NEK7: variants seen among roughly 807,000 people sequenced by gnomAD.
NEK7 encodes the protein NIMA related kinase 7, also known as serine/threonine-protein kinase Nek7.
Under a neutral mutation model 44.6 loss-of-function variants are expected in NEK7, and 18 were observed. That is an observed-to-expected ratio of 0.40 (90% CI 0.28 to 0.60). The LOEUF (loss-of-function observed/expected upper bound fraction) is 0.60. Ranked by LOEUF, NEK7 falls within the 20% of genes least tolerant of loss-of-function variation. The pLI is 0.38. For synonymous variants in NEK7, 130 were observed against 121.1 expected, an observed-to-expected ratio of 1.07 and a Z score of -0.48; for missense variants, 256 against 366.5, an observed-to-expected ratio of 0.70 and a Z score of 2.46.
At chr1:198,178,325 T>C (rs72749493) in intron 1 of NEK7, among the ~76,000 whole-genome samples, 7,035 of 152,152 alleles carry the variant, frequency 0.046, 258 homozygotes, top group Middle Eastern at 0.071. Context: ...TATAGTCCTG[T>C]TTTTAACGTT....
chr1:198,187,219 T>C (rs891164680), intron 1 of NEK7, among the ~76,000 whole-genome samples: 1 of 152,188 alleles, frequency 6.6e-6, no homozygotes, highest in Non-Finnish European at 1.5e-5. Flanking sequence ...GTCTTCAATA[T>C]CTAAACAGTC....
At chr1:198,271,964 C>A (rs1257271201) in intron 5 of NEK7, among the ~76,000 whole-genome samples, 2 of 145,186 alleles carry the variant, frequency 1.4e-5, no homozygotes, top group Non-Finnish European at 3.0e-5. Flanking sequence ...TACTTAGGTA[C>A]CTATACATAA....
At chr1:198,228,500 G>A (rs914763754) in intron 1 of NEK7, among the ~76,000 whole-genome samples, 1 of 151,112 alleles carries the variant, frequency 6.6e-6, no homozygotes, top group African/African-American at 2.5e-5. Context: ...CTACCCATGA[G>A]CATGGAATGT....
chr1:198,174,705 T>A (rs912429793), intron 1 of NEK7, among the ~76,000 whole-genome samples: 1 of 152,036 alleles, frequency 6.6e-6, no homozygotes, highest in African/African-American at 2.4e-5. Flanking sequence ...TTCAGCAGCA[T>A]CAAGAGGAAT....
At chr1:198,258,119 G>T (rs1653336914) in intron 3 of NEK7, among the ~76,000 whole-genome samples, 1 of 152,162 alleles carries the variant, frequency 6.6e-6, no homozygotes, top group Non-Finnish European at 1.5e-5. Context: ...TAAGGAGTCA[G>T]TCATCTGAAG....
At chr1:198,214,326 C>G (rs1665857958) in intron 1 of NEK7, among the ~76,000 whole-genome samples, 1 of 152,080 alleles carries the variant, frequency 6.6e-6, no homozygotes, top group African/African-American at 2.4e-5. Flanking sequence ...GGATCCAAAT[C>G]AAAATGAGAT....
chr1:198,207,473 T>G (rs1488315239), intron 1 of NEK7, among the ~76,000 whole-genome samples: 1 of 152,124 alleles, frequency 6.6e-6, no homozygotes, highest in African/African-American at 2.4e-5. Flanking sequence ...CAGACCCCCC[T>G]CAGTTGGAGA....
At chr1:198,237,421 C>T (rs1354800527) in intron 2 of NEK7, among the ~76,000 whole-genome samples, 1 of 152,076 alleles carries the variant, frequency 6.6e-6, no homozygotes, top group African/African-American at 2.4e-5. Flanking sequence ...AAATATTTCC[C>T]TCCAGACTGA....
intron 7 of NEK7, among the ~76,000 whole-genome samples, chr1:198,280,580 A>G (rs1248244843): frequency 1.3e-5 from 2 of 151,982 alleles, no homozygotes; most frequent in East Asian, 1.9e-4. Context: ...ATTTAAGAAC[A>G]TATATGCATC....
chr1:198,268,496 C>A (rs1212741153), intron 5 of NEK7, among the ~76,000 whole-genome samples: 1 of 152,022 alleles, frequency 6.6e-6, no homozygotes, highest in Non-Finnish European at 1.5e-5. Context: ...CTTTCCATTT[C>A]TCTCCCTATC....
At chr1:198,251,678 A>G (rs904279714) in intron 2 of NEK7, among the ~76,000 whole-genome samples, 22 of 151,822 alleles carry the variant, frequency 1.4e-4, no homozygotes, top group African/African-American at 4.6e-4. Flanking sequence ...TGTTTGTAGT[A>G]TTCTCTGATG....
chr1:198,244,751 C>G (rs1470461883), intron 2 of NEK7, among the ~76,000 whole-genome samples: 1 of 151,822 alleles, frequency 6.6e-6, no homozygotes, highest in East Asian at 1.9e-4. Flanking sequence ...TCATTTAGTT[C>G]TTTCGAATAC....
intron 3 of NEK7, among the ~76,000 whole-genome samples, chr1:198,256,726 A>G (rs1653279450): frequency 6.6e-6 from 1 of 152,136 alleles, no homozygotes; most frequent in Non-Finnish European, 1.5e-5. Context: ...CCTCTAACAT[A>G]ATGAGATAGG....
intron 9 of NEK7, among the ~76,000 whole-genome samples, chr1:198,301,508 C>T (rs888790639): frequency 2.0e-5 from 3 of 152,232 alleles, no homozygotes; most frequent in African/African-American, 4.8e-5. Context: ...CGAGATCGCG[C>T]CACTGCGTTC....
intron 1 of NEK7, among the ~76,000 whole-genome samples, chr1:198,229,007 A>G (rs1453486003): frequency 6.6e-6 from 1 of 152,140 alleles, no homozygotes; most frequent in Non-Finnish European, 1.5e-5. Context: ...TCTTAACACC[A>G]TTTCAGAAGG....
At chr1:198,206,553 A>G (rs1201193248) in intron 1 of NEK7, among the ~76,000 whole-genome samples, 3 of 152,148 alleles carry the variant, frequency 2.0e-5, no homozygotes, top group African/African-American at 7.2e-5. Flanking sequence ...CTTTAAAATG[A>G]TATTTTAGTG....
intron 7 of NEK7, among the ~76,000 whole-genome samples, chr1:198,285,902 G>T (rs1215165684): frequency 1.3e-5 from 2 of 152,020 alleles, no homozygotes; most frequent in African/African-American, 2.4e-5. Context: ...TAATGGGAAT[G>T]GGTGGTAGTG....
chr1:198,318,253 G>C (rs531126398), intron 9 of NEK7, among the ~76,000 whole-genome samples: 1 of 152,232 alleles, frequency 6.6e-6, no homozygotes, highest in African/African-American at 2.4e-5. Context: ...CAAGGGCACA[G>C]AGCTACAAAG....
In NEK7 at chr1:198,209,037, GTATA is replaced by G. The variant is rs57962708; in HGVS notation, c.-28-23497_-28-23494del. ...TGCATTAAAGCATATATGTGTGTGT[GTATA>G]TATATATATATATATATACACACAC... On this transcript the variant is annotated intron_variant, in intron 1 of 9. Transcript: ENST00000367385. Among the ~76,000 whole-genome samples, 1,145 of 145,388 alleles carry G rather than the reference GTATA, an allele frequency of 7.9e-3. 9 individuals are homozygous for G. The highest frequency in any genetic ancestry group is 0.015 in the African/African-American group (594 of 40,042).
Sources: gnomAD v4.1 joint callset for allele counts (sites outside exome capture counted in the v4.1 genomes callset) on GRCh38, gnomAD v4.1.1 for gene constraint, MANE v1.5 for transcripts, NCBI Gene and HGNC (gene_info 2026-07-23, HGNC 2026-07-21) for gene names.